Variants in GPT2 observed in about 807,000 individuals in gnomAD.
GPT2 encodes alanine aminotransferase 2.
GPT2 carries 30 observed loss-of-function variants against 56.9 expected under a neutral mutation model. The ratio of observed to expected loss-of-function variants is 0.53; its 90% CI spans 0.39 to 0.72. GPT2 has a LOEUF of 0.72. GPT2 is among the 30% of genes least tolerant of loss of function. GPT2 has a pLI of 0.00. For missense variants in GPT2, 542 were observed against 703.4 expected, an observed-to-expected ratio of 0.77 and a Z score of 2.60; for synonymous variants, 271 against 283.1, an observed-to-expected ratio of 0.96 and a Z score of 0.43.
At position 46,930,944 on chromosome 16, in the gene GPT2, A is replaced by C. The variant is rs1961532559; in HGVS notation, c.*1947A>C. 1 of 152,634 alleles carries C rather than the reference A, an allele frequency of 6.6e-6. No individual in the cohort carries two copies. Among genetic ancestry groups the C allele is most frequent in the South Asian group, 2.1e-4 (1 of 4,828 alleles). 9.5% of individuals were successfully genotyped at this position (152,634 alleles called of 1,614,324 possible). A position where few individuals can be genotyped will look rare whatever the true frequency, so the allele number is the denominator to read the frequency against. ...TCATGATAGGTTTGGTTTTCTACAG[A>C]TTCTGTTCCGGTGCCTTTCCTATCC... On this transcript the variant is annotated 3_prime_UTR_variant, in exon 12 of 12. Coordinates refer to ENST00000340124, the MANE Select transcript of GPT2 (RefSeq NM_133443.4).
chr16:46,928,328 C>CA (rs796983032), intron 11 of GPT2, among the ~76,000 whole-genome samples: 158 of 142,398 alleles, frequency 1.1e-3, no homozygotes, highest in African/African-American at 1.9e-3. Context: ...ACCCTATCTC[C>CA]AAAAAAAAAA....
intron 4 of GPT2, among the ~76,000 whole-genome samples, chr16:46,906,564 C>T (rs139134114): frequency 1.3e-3 from 192 of 152,136 alleles, no homozygotes; most frequent in African/African-American, 4.0e-3. Context: ...TAATGTGTAA[C>T]GCATAGTAGG....
chr16:46,884,848 G>A lies in GPT2; in HGVS notation c.133G>A (p.Glu45Lys). The A allele has an allele frequency of 6.5e-7, 1 of 1,542,482 alleles. No homozygotes were observed. Residue 45 changes from glutamate (E) to lysine (K), a missense_variant, in exon 2 of 12, where the codon GAG (glutamate) becomes AAG (lysine). Physicochemically the swap from Glu to Lys is moderately conservative, Grantham distance 56 (BLOSUM62 1). Transcript: ENST00000340124. ...LKVRPERSRRERILTLESMNP... is the reference protein window; with the variant it reads ...LKVRPERSRRKRILTLESMNP... ...GGTGCGGCCCGAGCGCAGCCGGCGC[G>A]AGCGCATCCTCACGCTGGAGTCCAT...
chr16:46,897,642 G>A lies in GPT2; in HGVS notation c.244-6G>A, dbSNP rs767532488. 38 of 1,613,530 alleles carry A rather than the reference G, an allele frequency of 2.4e-5. No homozygotes were observed. The highest frequency in any genetic ancestry group is 1.8e-4 in the East Asian group (8 of 44,876). On this transcript the variant is annotated splice_region_variant and splice_polypyrimidine_tract_variant and intron_variant, in intron 2 of 11. Coordinates refer to ENST00000340124, the MANE Select transcript of GPT2 (RefSeq NM_133443.4). ...AGTAACCACCTGTTGCTTTCTCTCT[G>A]CCCAGGGTATCAAAAAGCCATTCAC...
intron 9 of GPT2, 150 bp downstream of exon 9, chr16:46,922,566 C>G (rs906138502): frequency 6.4e-5 from 44 of 687,450 alleles, no homozygotes; most frequent in Middle Eastern, 8.1e-4. Flanking sequence ...GAGCCTGAAC[C>G]ACCCCTATGA....
At position 46,906,833 on chromosome 16, in the gene GPT2, G is replaced by A; in HGVS notation, c.443-9G>A. 6.2e-7 allele frequency: 1 copy of A among 1,614,034 alleles called. No individual in the cohort carries two copies. Among genetic ancestry groups the A allele is most frequent in the Non-Finnish European group, 8.5e-7 (1 of 1,179,898 alleles). ...TGCCTCTGTTACTGTCTTGCCTGCT[G>A]TCTTACAGGGTCCTACAGTGCTAGC... On this transcript the variant is annotated splice_polypyrimidine_tract_variant and intron_variant, in intron 4 of 11. Coordinates refer to ENST00000340124, the MANE Select transcript of GPT2 (RefSeq NM_133443.4).
intron 9 of GPT2, 30 bp downstream of exon 9, chr16:46,922,446 T>G: frequency 6.4e-7 from 1 of 1,568,020 alleles, no homozygotes; most frequent in Non-Finnish European, 8.6e-7. Context: ...TCTGCACCCC[T>G]GTGGCCGGGG....
intron 6 of GPT2, among the ~76,000 whole-genome samples, chr16:46,911,628 T>TGCTGCCGAGGCTGAGACCC (rs1410310181): frequency 3.9e-4 from 60 of 152,326 alleles, no homozygotes; most frequent in South Asian, 8.3e-4. Context: ...CGGTAGCCTG[T>TGCTGCCGAGGCTGAGACCC]GCTGCCGAGG....
intron 2 of GPT2, among the ~76,000 whole-genome samples, chr16:46,889,041 G>A (rs1164394807): frequency 1.3e-5 from 2 of 151,362 alleles, no homozygotes; most frequent in Non-Finnish European, 2.9e-5. Context: ...CAGAGCACCT[G>A]GCGAAAGGAT....
At chr16:46,913,038 C>T (rs1025317121) in intron 6 of GPT2, among the ~76,000 whole-genome samples, 2 of 152,208 alleles carry the variant, frequency 1.3e-5, no homozygotes, top group Non-Finnish European at 2.9e-5. Flanking sequence ...TGTCTCATGT[C>T]TCCCCCAGCT....
intron 4 of GPT2, among the ~76,000 whole-genome samples, chr16:46,906,547 C>T (rs925197038): frequency 6.6e-6 from 1 of 152,048 alleles, no homozygotes; most frequent in African/African-American, 2.4e-5. Flanking sequence ...GAAGCCAGGG[C>T]CTAGAATAAT....
At chr16:46,911,579 TG>T (rs2143485353) in intron 6 of GPT2, among the ~76,000 whole-genome samples, 1 of 152,198 alleles carries the variant, frequency 6.6e-6, no homozygotes, top group Admixed American at 6.5e-5. Flanking sequence ...CTTTGAAAAA[TG>T]TCAAAATTGA....
intron 2 of GPT2, chr16:46,885,384 TAGG>T (rs1303764236): frequency 8.1e-6 from 4 of 496,744 alleles, no homozygotes; most frequent in Non-Finnish European, 6.9e-6. Flanking sequence ...CCATTTTAGG[TAGG>T]AGGGGAGACG....
chr16:46,900,704 C>T lies in GPT2; in HGVS notation c.356C>T (p.Pro119Leu). ...CAGGTGATGGCACTATGCACCTACC[C>T]AAACCTGCTGGACAGCCCCAGCTTC... ...LRQVMALCTY[P>L]NLLDSPSFPE... is the part of the protein sequence containing the mutation. The change falls in exon 4 of 12, where the codon CCA becomes CTA. Residue 119 changes from proline to leucine, a missense_variant. By Grantham distance (98) the Pro-to-Leu change is moderately conservative. Transcript: ENST00000340124. 1 of 1,614,016 alleles carries T rather than the reference C, an allele frequency of 6.2e-7. No individual in the cohort carries two copies. Among genetic ancestry groups the T allele is most frequent in the Non-Finnish European group, 8.5e-7 (1 of 1,179,934 alleles).
chr16:46,911,752 C>T (rs1479183353), intron 6 of GPT2, among the ~76,000 whole-genome samples: 1 of 152,096 alleles, frequency 6.6e-6, no homozygotes, highest in Non-Finnish European at 1.5e-5. Context: ...AACAAATTCC[C>T]AGGTGATACT....
At chr16:46,887,827 C>T (rs891378336) in intron 2 of GPT2, among the ~76,000 whole-genome samples, 8 of 152,046 alleles carry the variant, frequency 5.3e-5, no homozygotes, top group Admixed American at 2.6e-4. Flanking sequence ...TTTTGCTTCT[C>T]TGGTAGTGGA....
At chr16:46,898,008 G>A (rs1960717520) in intron 3 of GPT2, among the ~76,000 whole-genome samples, 1 of 152,230 alleles carries the variant, frequency 6.6e-6, no homozygotes, top group South Asian at 2.1e-4. Flanking sequence ...GGCAAAGGCA[G>A]TGGTGGGGTA....
chr16:46,898,888 A>ATATC (rs1960741837), intron 3 of GPT2, among the ~76,000 whole-genome samples: 1 of 144,974 alleles, frequency 6.9e-6, no homozygotes, highest in Non-Finnish European at 1.5e-5. Flanking sequence ...ATATATATAT[A>ATATC]CGTATATATA....
Position 46,916,663 on chromosome 16 carries a change from A to G in GPT2, c.856A>G (p.Ile286Val). The G allele has an allele frequency of 3.7e-6, 6 of 1,614,062 alleles. No individual in the cohort carries two copies. The highest frequency in any genetic ancestry group is 5.1e-6 in the Non-Finnish European group (6 of 1,179,930). Residue 286 changes from isoleucine (I) to valine (V), a missense_variant, in exon 7 of 12, where the codon ATC becomes GTC. Transcript: ENST00000340124. ...VQSRKCIEDV[I>V]HFAWEEKLFL... The stretch of plus-strand genomic sequence containing the variant: ...AAGCAGAAAGTGCATAGAAGATGTG[A>G]TCCACTTTGCCTGGGAAGAGAAGCT...
Sources: allele counts gnomAD v4.1 joint callset (sites outside exome capture counted in the v4.1 genomes callset), GRCh38; gene constraint gnomAD v4.1.1; transcripts MANE v1.5; gene names NCBI Gene and HGNC (gene_info 2026-07-23, HGNC 2026-07-21).